ST18: variants seen among roughly 807,000 people sequenced by gnomAD.
ST18 encodes the protein suppression of tumorigenicity 18 protein.
A neutral mutation model predicts 110.0 loss-of-function variants in ST18; 50 were observed. The observed-to-expected ratio is 0.45, with a 90% CI of 0.36 to 0.58. ST18 has a LOEUF of 0.58. Ranked by LOEUF, ST18 falls within the 20% of genes least tolerant of loss-of-function variation. ST18 has a pLI of 0.00. For synonymous variants in ST18, 461 were observed against 452.4 expected, an observed-to-expected ratio of 1.02 and a Z score of -0.24; for missense variants, 1,306 against 1,280.1, an observed-to-expected ratio of 1.02 and a Z score of -0.31.
At chr8:52,250,953 C>T (rs771315846) in intron 2 of ST18, among the ~76,000 whole-genome samples, 33 of 152,186 alleles carry the variant, frequency 2.2e-4, no homozygotes, top group Non-Finnish European at 3.5e-4. Flanking sequence ...GTATTAAACC[C>T]CCATTATTTT....
intron 21 of ST18, among the ~76,000 whole-genome samples, chr8:52,132,840 T>C (rs934634021): frequency 6.6e-6 from 1 of 152,230 alleles, no homozygotes; most frequent in Admixed American, 6.5e-5. Flanking sequence ...AAACTGTTAC[T>C]TTTTAAAACA....
intron 16 of ST18, among the ~76,000 whole-genome samples, chr8:52,145,795 T>A (rs984114466): frequency 3.3e-5 from 5 of 152,202 alleles, no homozygotes; most frequent in African/African-American, 1.2e-4. Context: ...GAATAACAGA[T>A]AATAGCATCT....
chr8:52,126,144 T>C lies in ST18; in HGVS notation c.2667-4A>G, dbSNP rs768000499. Reference sequence around the variant, plus strand: ...ATTGAGAGGACATCCAGATAAGCTGTGAAAATAGAAATTGTACTAATGTAT... The same window carrying C: ...ATTGAGAGGACATCCAGATAAGCTGCGAAAATAGAAATTGTACTAATGTAT... On this transcript the variant is annotated splice_region_variant and splice_polypyrimidine_tract_variant and intron_variant, in intron 22 of 25. Transcript: ENST00000689386. The C allele has an allele frequency of 6.2e-7, 1 of 1,613,240 alleles. No homozygotes were observed. The highest frequency in any genetic ancestry group is 8.5e-7 in the Non-Finnish European group (1 of 1,179,348).
chr8:52,133,092 G>T lies in ST18; in HGVS notation c.2409C>A (p.Thr803=). 1 of 1,614,010 alleles carries T rather than the reference G, an allele frequency of 6.2e-7. No homozygotes were observed. The highest frequency in any genetic ancestry group is 8.5e-7 in the Non-Finnish European group (1 of 1,180,010). ...GGTCTTCTTTTTCTTCCTTGGTAGGGGTCATTTTGACACCACCTTTCCTTG... is the reference window on the plus strand; with the variant it reads ...GGTCTTCTTTTTCTTCCTTGGTAGGTGTCATTTTGACACCACCTTTCCTTG... ...PRARKGGVKM[T]PTKEEKEDPE... Residue 803 remains threonine, a synonymous_variant, in exon 21 of 26, where the codon ACC becomes ACA. Transcript: ENST00000689386.
chr8:52,296,041 C>T (rs772172529), intron 2 of ST18, among the ~76,000 whole-genome samples: 13 of 151,998 alleles, frequency 8.6e-5, no homozygotes, highest in Non-Finnish European at 1.8e-4. Flanking sequence ...CTTAACACAA[C>T]CCCTGCCTGG....
chr8:52,269,180 A>C (rs1364551992), intron 2 of ST18, among the ~76,000 whole-genome samples: 3 of 152,216 alleles, frequency 2.0e-5, no homozygotes, highest in African/African-American at 7.2e-5. Flanking sequence ...TTACACCTGA[A>C]TAAGTGACCC....
chr8:52,163,912 A>G, intron 13 of ST18, 74 bp downstream of exon 13: 2 of 1,196,904 alleles, frequency 1.7e-6, no homozygotes, highest in Middle Eastern at 2.3e-4. Flanking sequence ...GAACTGACTC[A>G]TGAAGGACCA....
intron 2 of ST18, among the ~76,000 whole-genome samples, chr8:52,347,422 G>C (rs930852884): frequency 6.6e-6 from 1 of 152,202 alleles, no homozygotes; most frequent in Admixed American, 6.5e-5. Flanking sequence ...GGTGTTGCTA[G>C]AGAATGGCGT....
chr8:52,169,896 G>A (rs1339755017), intron 10 of ST18, among the ~76,000 whole-genome samples: 1 of 152,038 alleles, frequency 6.6e-6, no homozygotes, highest in Non-Finnish European at 1.5e-5. Context: ...GTAGGAATTC[G>A]GTAAGCCTCC....
At chr8:52,336,823 C>T (rs548261666) in intron 2 of ST18, among the ~76,000 whole-genome samples, 16 of 152,268 alleles carry the variant, frequency 1.1e-4, no homozygotes, top group African/African-American at 3.6e-4. Flanking sequence ...TAAAAAAGAC[C>T]ACACTTTCTG....
At chr8:52,247,992 A>C (rs748794378) in intron 2 of ST18, among the ~76,000 whole-genome samples, 33 of 152,192 alleles carry the variant, frequency 2.2e-4, no homozygotes, top group Non-Finnish European at 4.3e-4. Flanking sequence ...TTCTCTACAG[A>C]CACACATATA....
intron 2 of ST18, among the ~76,000 whole-genome samples, chr8:52,388,406 C>G (rs939004068): frequency 1.3e-5 from 2 of 152,096 alleles, no homozygotes; most frequent in African/African-American, 4.8e-5. Flanking sequence ...ACTTCCACAA[C>G]AAGCCTCAGG....
rs559566984 is a variant in ST18 at position 52,335,754 on chromosome 8, C to G, written c.-465+73574G>C. The stretch of plus-strand genomic sequence containing the variant: ...ACCTATACCACCTCTTGCTTTGGAA[C>G]CTTGGAACCTTGGGACCTTGGAATA... On this transcript the variant is annotated intron_variant, in intron 2 of 25. Transcript: ENST00000689386. 7.9e-5 allele frequency among the ~76,000 whole-genome samples: 12 copies of G among 152,222 alleles called. No homozygotes were observed. In the East Asian group the frequency reaches 1.7e-3, roughly 22 times the overall value.
chr8:52,250,172 C>A (rs948627326), intron 2 of ST18, among the ~76,000 whole-genome samples: 5 of 151,976 alleles, frequency 3.3e-5, no homozygotes, highest in African/African-American at 1.2e-4. Flanking sequence ...TACTTTACAG[C>A]AGAGGCTGTT....
At chr8:52,169,607 A>T (rs2133667152) in intron 10 of ST18, among the ~76,000 whole-genome samples, 1 of 152,272 alleles carries the variant, frequency 6.6e-6, no homozygotes, top group South Asian at 2.1e-4. Context: ...TTTGGAGAAT[A>T]TGGCTGTCAG....
intron 5 of ST18, among the ~76,000 whole-genome samples, chr8:52,219,344 T>C (rs151085906): frequency 3.3e-5 from 5 of 151,840 alleles, no homozygotes; most frequent in African/African-American, 1.2e-4. Context: ...CATTTATTAA[T>C]AACTCAGGAA....
At chr8:52,253,963 GAA>G (rs894962165) in intron 2 of ST18, among the ~76,000 whole-genome samples, 1 of 133,776 alleles carries the variant, frequency 7.5e-6, no homozygotes, top group African/African-American at 2.8e-5. Flanking sequence ...CAAAGAGAGT[GAA>G]AGTGTGAGAG....
intron 23 of ST18, among the ~76,000 whole-genome samples, chr8:52,124,128 G>GC (rs2046059386): frequency 6.6e-6 from 1 of 151,988 alleles, no homozygotes; most frequent in Non-Finnish European, 1.5e-5. Flanking sequence ...CCTCAGGGTT[G>GC]CTCCATCTTG....
At chr8:52,116,173 A>G in intron 25 of ST18, 102 bp downstream of exon 25, 1 of 1,373,330 alleles carries the variant, frequency 7.3e-7, no homozygotes, top group Non-Finnish European at 9.9e-7. Flanking sequence ...GTGACTGCTC[A>G]CAGGTCTCCT....
Sources: gnomAD v4.1 joint callset for allele counts (sites outside exome capture counted in the v4.1 genomes callset) on GRCh38, gnomAD v4.1.1 for gene constraint, MANE v1.5 for transcripts, NCBI Gene and HGNC (gene_info 2026-07-23, HGNC 2026-07-21) for gene names.